DNAAF9: variants seen among roughly 807,000 people sequenced by gnomAD.
The protein encoded by DNAAF9 is shulin.
In DNAAF9, 90 loss-of-function variants were observed where a neutral mutation model predicts 167.0. That is an observed-to-expected ratio of 0.54 (90% confidence interval 0.45 to 0.64). DNAAF9 has a LOEUF of 0.64. DNAAF9 is among the 30% of genes least tolerant of loss of function. The probability of loss-of-function intolerance (pLI) is 0.00; values close to 1 mark genes in which losing one functional copy is unlikely to be tolerated. For missense variants in DNAAF9, 1,315 were observed against 1,442.2 expected, an observed-to-expected ratio of 0.91 and a Z score of 1.43; for synonymous variants, 491 against 508.8, an observed-to-expected ratio of 0.96 and a Z score of 0.47.
intron 7 of DNAAF9, among the ~76,000 whole-genome samples, chr20:3,352,705 T>C (rs2070347722): frequency 6.6e-6 from 1 of 152,116 alleles, no homozygotes; most frequent in Non-Finnish European, 1.5e-5. Context: ...CTGTATCAAG[T>C]GCTTATTATC....
intron 29 of DNAAF9, among the ~76,000 whole-genome samples, chr20:3,278,642 C>T (rs1426333201): frequency 1.3e-5 from 2 of 151,884 alleles, no homozygotes; most frequent in South Asian, 4.2e-4. Context: ...TCAGTTGAAC[C>T]TGGGAGGCAG....
intron 12 of DNAAF9, among the ~76,000 whole-genome samples, chr20:3,327,345 C>A (rs2069729348): frequency 6.6e-6 from 1 of 152,070 alleles, no homozygotes; most frequent in Non-Finnish European, 1.5e-5. Flanking sequence ...TTTCTCCAGA[C>A]CCTGCCAAAT....
At chr20:3,329,966 A>T (rs1170043425) in intron 12 of DNAAF9, among the ~76,000 whole-genome samples, 1 of 152,248 alleles carries the variant, frequency 6.6e-6, no homozygotes, top group Non-Finnish European at 1.5e-5. Flanking sequence ...TGTCAAATCC[A>T]GAGAAAGACA....
intron 1 of DNAAF9, among the ~76,000 whole-genome samples, chr20:3,383,428 C>T (rs565194032): frequency 6.6e-6 from 1 of 152,004 alleles, no homozygotes; most frequent in African/African-American, 2.4e-5. Flanking sequence ...GCCACCACGC[C>T]CGGCTAATTT....
chr20:3,318,256 A>G, intron 17 of DNAAF9, 33 bp downstream of exon 17: 1 of 925,546 alleles, frequency 1.1e-6, no homozygotes, highest in Non-Finnish European at 1.7e-6. Flanking sequence ...AAAAAGGCTT[A>G]AGGTTTGCTT....
chr20:3,277,653 A>G (rs1313089247), intron 29 of DNAAF9, among the ~76,000 whole-genome samples: 1 of 151,716 alleles, frequency 6.6e-6, no homozygotes, highest in Non-Finnish European at 1.5e-5. Flanking sequence ...ACCAGATCCT[A>G]TTGACCCAAC....
At chr20:3,294,416 C>T (rs1160260852) in intron 24 of DNAAF9, 112 bp downstream of exon 24, 6 of 814,868 alleles carry the variant, frequency 7.4e-6, no homozygotes, top group African/African-American at 6.9e-5. Flanking sequence ...CGACATTTTA[C>T]AGTGATCTCT....
At chr20:3,257,816 T>C (rs2068307873) in intron 33 of DNAAF9, among the ~76,000 whole-genome samples, 1 of 152,170 alleles carries the variant, frequency 6.6e-6, no homozygotes, top group African/African-American at 2.4e-5. Context: ...GTGATTCTCC[T>C]GTCTCACCCT....
chr20:3,357,845 CA>C (rs1194945760), intron 7 of DNAAF9, among the ~76,000 whole-genome samples: 1 of 150,688 alleles, frequency 6.6e-6, no homozygotes, highest in Non-Finnish European at 1.5e-5. Flanking sequence ...CTGATCTCTA[CA>C]AAAAAAATAA....
At position 3,299,877 on chromosome 20, in the gene DNAAF9, A is replaced by C. The variant is rs562367901; in HGVS notation, c.1783-1702T>G. Among the ~76,000 whole-genome samples, 4 of 152,210 alleles carry C rather than the reference A, an allele frequency of 2.6e-5. No homozygotes were observed. The East Asian group carries it at 7.7e-4, about 29-fold the overall frequency. ...AATAAGGGTCCCTTGAGAGTCTATA[A>C]ATTCTACATGAACTTTAGGATGGGT... On this transcript the variant is annotated intron_variant, in intron 21 of 36. Coordinates refer to ENST00000252032, the MANE Select transcript of DNAAF9 (RefSeq NM_001009984.3).
chr20:3,370,024 G>A (rs1422669339), intron 6 of DNAAF9, among the ~76,000 whole-genome samples: 1 of 152,060 alleles, frequency 6.6e-6, no homozygotes, highest in Non-Finnish European at 1.5e-5. Context: ...TTAATCAAAT[G>A]TCTGGTGATC....
chr20:3,335,588 C>T (rs769539382), intron 10 of DNAAF9, among the ~76,000 whole-genome samples: 1 of 151,478 alleles, frequency 6.6e-6, no homozygotes, highest in Non-Finnish European at 1.5e-5. Flanking sequence ...GAAACCCTGT[C>T]GCTACTAAAA....
chr20:3,348,418 C>A (rs955993472), intron 8 of DNAAF9, 107 bp downstream of exon 8: 1 of 553,840 alleles, frequency 1.8e-6, no homozygotes. Flanking sequence ...AAAGAAATGA[C>A]AAATTAGAAT....
intron 1 of DNAAF9, among the ~76,000 whole-genome samples, chr20:3,404,464 T>C (rs536288838): frequency 6.6e-6 from 1 of 152,348 alleles, no homozygotes; most frequent in Admixed American, 6.5e-5. Context: ...CTACACTGCC[T>C]TTTCTTCTTC....
intron 1 of DNAAF9, among the ~76,000 whole-genome samples, chr20:3,397,025 C>T (rs1192055030): frequency 3.3e-5 from 5 of 152,132 alleles, no homozygotes; most frequent in Non-Finnish European, 5.9e-5. Flanking sequence ...GGCAGGCAGA[C>T]TGCTTGAGCC....
intron 12 of DNAAF9, among the ~76,000 whole-genome samples, chr20:3,327,134 G>A (rs563901550): frequency 5.3e-5 from 8 of 152,258 alleles, no homozygotes; most frequent in South Asian, 4.1e-4. Context: ...GGACTGCCAC[G>A]AAGGTCCCTA....
chr20:3,318,379 T>A lies in DNAAF9; in HGVS notation c.1378A>T (p.Ile460Phe). 6.3e-7 allele frequency: 1 copy of A among 1,599,080 alleles called. No homozygotes were observed. Among genetic ancestry groups the A allele is most frequent in the Non-Finnish European group, 8.6e-7 (1 of 1,166,568 alleles). ...VKTACMAVYD[I>F]PDLLGGNGCL... ...CCATTGCCTCCCAGTAAGTCAGGAATGTCATAGACGGCCATACAAGCCTGC... is the reference window on the plus strand; with the variant it reads ...CCATTGCCTCCCAGTAAGTCAGGAAAGTCATAGACGGCCATACAAGCCTGC... Residue 460 changes from isoleucine to phenylalanine, a missense_variant, in exon 17 of 37, where the codon ATT (isoleucine) becomes TTT (phenylalanine). Physicochemically the swap from Ile to Phe is conservative, Grantham distance 21. Coordinates refer to ENST00000252032, the MANE Select transcript of DNAAF9 (RefSeq NM_001009984.3).
chr20:3,388,067 C>CAAA (rs901916873), intron 1 of DNAAF9, among the ~76,000 whole-genome samples: 6 of 104,898 alleles, frequency 5.7e-5, no homozygotes, highest in Admixed American at 2.1e-4. Context: ...GACTCTGTCT[C>CAAA]AAAAAAAAAA....
In DNAAF9 at chr20:3,271,699, A is replaced by C. The variant is rs566509361; in HGVS notation, c.2651-1137T>G. Among the ~76,000 whole-genome samples the C allele has an allele frequency of 1.3e-4, 19 of 150,616 alleles. No homozygotes were observed. In the East Asian group the frequency reaches 3.7e-3, roughly 30 times the overall value. On this transcript the variant is annotated intron_variant, in intron 29 of 36. Transcript: ENST00000252032. Reference sequence around the variant, plus strand: ...TGCAATGTTGCAATCTCAGCTCACTACAGTCTCCACCTCCCATGTTCAAGT... The same window carrying C: ...TGCAATGTTGCAATCTCAGCTCACTCCAGTCTCCACCTCCCATGTTCAAGT...
Sources: gnomAD v4.1 joint callset for allele counts (sites outside exome capture counted in the v4.1 genomes callset) on GRCh38, gnomAD v4.1.1 for gene constraint, MANE v1.5 for transcripts, NCBI Gene and HGNC (gene_info 2026-07-23, HGNC 2026-07-21) for gene names.